DCAF8: variants seen among roughly 807,000 people sequenced by gnomAD.
The protein encoded by DCAF8 is DDB1 and CUL4 associated factor 8.
A neutral mutation model predicts 68.0 loss-of-function variants in DCAF8; 20 were observed. The observed-to-expected ratio is 0.29, with a 90% CI of 0.21 to 0.43. The LOEUF is 0.43. Among genes scored for constraint, DCAF8 ranks in the 20% least tolerant of loss-of-function variants. DCAF8 has a pLI of 1.00. For synonymous variants in DCAF8, 230 were observed against 276.9 expected, an observed-to-expected ratio of 0.83 and a Z score of 1.68; for missense variants, 460 against 771.0, an observed-to-expected ratio of 0.60 and a Z score of 4.78.
rs753753498 is a variant in DCAF8, at chr1:160,238,662, G to A, written c.809C>T (p.Thr270Ile). Reference sequence around the variant, plus strand: ...ACGTTTTGTATTCTTGCAACACTGTGTGGCAGACAGTTCTGCTACTCGAAC... The same window carrying A: ...ACGTTTTGTATTCTTGCAACACTGTATGGCAGACAGTTCTGCTACTCGAAC... ...GQVRVAELSATQCCKNTKRVA... is the reference protein window; with the variant it reads ...GQVRVAELSAIQCCKNTKRVA... The change falls in exon 5 of 14, where the codon ACA becomes ATA. Residue 270 changes from threonine (T) to isoleucine (I), a missense_variant. Physicochemically the swap from Thr to Ile is moderately conservative, Grantham distance 89. Around this residue, in one of 8 missense-constraint regions of DCAF8, gnomAD observed 170 missense variants for 318.2 expected, o/e 0.53. Transcript: ENST00000368074. 2 of 1,613,828 alleles carry A rather than the reference G, an allele frequency of 1.2e-6. No homozygotes were observed. Among genetic ancestry groups the A allele is most frequent in the Admixed American group, 1.7e-5 (1 of 59,972 alleles).
chr1:160,238,850 C>T lies in DCAF8; in HGVS notation c.724-103G>A, dbSNP rs2275701. ...GACCTCAACTTACCCCCTTTTCTTA[C>T]ATGACAGCTGGAAACTTAGCTTTCC... On this transcript the variant is annotated intron_variant, in intron 4 of 13. Transcript: ENST00000368074. 1.5e-3 allele frequency: 1,774 copies of T among 1,218,696 alleles called. 29 individuals are homozygous for T. The East Asian group carries it at 0.04, about 27-fold the overall frequency. 75.5% of individuals were successfully genotyped at this position (1,218,696 alleles called of 1,614,324 possible). A position where few individuals can be genotyped will look rare whatever the true frequency, so the allele number is the denominator to read the frequency against.
rs776905354 is a variant in DCAF8 at position 160,231,427 on chromosome 1, CAG to C, written c.960-22_960-21del. Reference sequence around the variant, plus strand: ...AGTTTCCTTTAAGAGTAGAAAAGCACAGAAAGTTATATACTCCAAAAGATCCA... The same window carrying C: ...AGTTTCCTTTAAGAGTAGAAAAGCACAAAGTTATATACTCCAAAAGATCCA... On this transcript the variant is annotated intron_variant, in intron 6 of 13. Transcript: ENST00000368074. The C allele has an allele frequency of 1.5e-5, 23 of 1,585,698 alleles. No individual in the cohort carries two copies. Among genetic ancestry groups the C allele is most frequent in the Non-Finnish European group, 2.0e-5 (23 of 1,154,356 alleles).
intron 2 of DCAF8, among the ~76,000 whole-genome samples, chr1:160,255,910 G>A (rs1265010206): frequency 4.0e-5 from 6 of 151,830 alleles, no homozygotes; most frequent in Admixed American, 1.3e-4. Flanking sequence ...GTAAGCCACC[G>A]TGCATGGCCT....
chr1:160,230,535 AG>A lies in DCAF8; in HGVS notation c.1070+761del, dbSNP rs1053407732. Among the ~76,000 whole-genome samples the A allele has an allele frequency of 3.9e-5, 6 of 152,314 alleles. No homozygotes were observed. In the East Asian group the frequency reaches 9.6e-4, roughly 24 times the overall value. ...AAAGATATCACTATGGATAAAAAAA[AG>A]TGGTAGCTCAGGACAGTGAGAGCCA... On this transcript the variant is annotated intron_variant, in intron 7 of 13. Transcript: ENST00000368074.
Position 160,217,593 on chromosome 1 carries a change from C to T in DCAF8, c.1793G>A (p.Ter598=), listed in dbSNP as rs750981159. The T allele has an allele frequency of 1.2e-6, 2 of 1,611,490 alleles. No individual in the cohort carries two copies. Among genetic ancestry groups the T allele is most frequent in the Non-Finnish European group, 1.7e-6 (2 of 1,178,592 alleles). ...CCTGCCCCACCTAGGTATGAGGCCT[C>T]AAGATGGCATGCACTGCACCCGGTC... ...GPDRVQCMPS[*] The change falls in exon 14 of 14, where the codon TGA becomes TAA. Residue 598 remains the stop codon, a stop_retained_variant. Transcript: ENST00000368074.
intron 10 of DCAF8, among the ~76,000 whole-genome samples, chr1:160,224,220 C>T (rs151052932): frequency 1.3e-4 from 20 of 152,330 alleles, no homozygotes; most frequent in African/African-American, 4.8e-4. Context: ...TATGTCCAAA[C>T]CAATTAGAAG....
rs141612233 is a variant in DCAF8, at chr1:160,226,879, A to C, written c.1071-1216T>G. 8.3e-4 allele frequency among the ~76,000 whole-genome samples: 126 copies of C among 152,282 alleles called. 1 individual carries two copies. In the East Asian group the frequency reaches 0.014, roughly 17 times the overall value. ...ATTTGTTAAGTAGGTGTAAGTCTAG[A>C]GTTCAGAATAAGTGTGGTCTGCAGA... On this transcript the variant is annotated intron_variant, in intron 7 of 13. Transcript: ENST00000368074.
At chr1:160,229,406 G>A (rs1655593326) in intron 7 of DCAF8, among the ~76,000 whole-genome samples, 2 of 152,198 alleles carry the variant, frequency 1.3e-5, no homozygotes. Flanking sequence ...GTGTTGAAAT[G>A]CTAAAACTCT....
chr1:160,241,139 G>A (rs982107497), intron 3 of DCAF8, among the ~76,000 whole-genome samples: 3 of 152,056 alleles, frequency 2.0e-5, no homozygotes, highest in East Asian at 1.9e-4. Context: ...GCGACAAAGC[G>A]AGACTCCATC....
chr1:160,257,063 T>C (rs557457817), intron 2 of DCAF8, among the ~76,000 whole-genome samples: 80 of 152,334 alleles, frequency 5.3e-4, no homozygotes, highest in African/African-American at 1.9e-3. Context: ...AGCAATGATG[T>C]TTCTTGGCTA....
rs774313299 is a variant in DCAF8, at chr1:160,222,639, C to CACCAT, written c.1440+7_1440+11dup. 5 of 1,614,026 alleles carry CACCAT rather than the reference C, an allele frequency of 3.1e-6. No individual in the cohort carries two copies. In the Admixed American group the frequency reaches 6.7e-5, roughly 22 times the overall value. On this transcript the variant is annotated intron_variant, in intron 11 of 13. Coordinates refer to ENST00000368074, the MANE Select transcript of DCAF8 (RefSeq NM_015726.4). ...GATTAGGGAGCCAGCCAGCTCAGCA[C>CACCAT]ACCATACTCACCACGCCTCCCTTGT...
chr1:160,259,250 T>C (rs1656958505), intron 2 of DCAF8, among the ~76,000 whole-genome samples: 1 of 152,178 alleles, frequency 6.6e-6, no homozygotes, highest in Non-Finnish European at 1.5e-5. Context: ...AAAAGAACTC[T>C]TTGGCCGGGC....
At chr1:160,245,761 G>C (rs1282850512) in intron 2 of DCAF8, among the ~76,000 whole-genome samples, 4 of 152,174 alleles carry the variant, frequency 2.6e-5, no homozygotes, top group African/African-American at 9.7e-5. Flanking sequence ...CACAGCACTT[G>C]TTTTTCCCTC....
chr1:160,228,109 T>A (rs1425885587), intron 7 of DCAF8, among the ~76,000 whole-genome samples: 1 of 144,114 alleles, frequency 6.9e-6, no homozygotes, highest in African/African-American at 2.6e-5. Flanking sequence ...TTTTTTTTGG[T>A]AGAGACACAG....
intron 3 of DCAF8, among the ~76,000 whole-genome samples, chr1:160,243,076 G>A (rs1321454403): frequency 2.0e-5 from 3 of 152,188 alleles, no homozygotes; most frequent in African/African-American, 4.8e-5. Context: ...TGACCTTCAA[G>A]GTGCTAAGGA....
chr1:160,251,866 T>C (rs1363586990), intron 2 of DCAF8, among the ~76,000 whole-genome samples: 1 of 152,180 alleles, frequency 6.6e-6, no homozygotes, highest in Non-Finnish European at 1.5e-5. Context: ...TTATGGTAGG[T>C]AGGACTTTAG....
chr1:160,247,766 G>C (rs116777323), intron 2 of DCAF8, among the ~76,000 whole-genome samples: 28 of 152,196 alleles, frequency 1.8e-4, no homozygotes, highest in African/African-American at 6.7e-4. Flanking sequence ...TGCTCAACTT[G>C]TACCAGAATA....
intron 3 of DCAF8, among the ~76,000 whole-genome samples, chr1:160,242,866 AG>A (rs1353125209): frequency 6.6e-6 from 1 of 152,246 alleles, no homozygotes; most frequent in African/African-American, 2.4e-5. Flanking sequence ...CTAATGGTCA[AG>A]CTCCAAATCA....
chr1:160,238,469 C>A (rs1655969616), intron 5 of DCAF8, 138 bp downstream of exon 5: 2 of 1,006,652 alleles, frequency 2.0e-6, no homozygotes, highest in East Asian at 3.0e-5. Context: ...CCTTTCTTAA[C>A]CACAAATCTT....
Sources: allele counts gnomAD v4.1 joint callset (sites outside exome capture counted in the v4.1 genomes callset), GRCh38; gene constraint gnomAD v4.1.1; regional missense constraint gnomAD v4.1.1; transcripts MANE v1.5; gene names NCBI Gene and HGNC (gene_info 2026-07-23, HGNC 2026-07-21).